GMDS: variants seen among roughly 807,000 people sequenced by gnomAD.
GMDS encodes GDP-mannose 4,6 dehydratase.
Under a neutral mutation model 49.9 loss-of-function variants are expected in GMDS, and 20 were observed. The ratio of observed to expected loss-of-function variants is 0.40; its 90% CI spans 0.28 to 0.58. The LOEUF (loss-of-function observed/expected upper bound fraction) is 0.58, where lower values mean the gene tolerates loss of function less well. Ranked by LOEUF, GMDS falls within the 20% of genes least tolerant of loss-of-function variation. GMDS has a pLI of 0.42. For synonymous variants in GMDS, 177 were observed against 178.6 expected (o/e 0.99, Z 0.07); for missense variants, 362 against 481.4 (o/e 0.75, Z 2.32).
At chr6:2,237,404 T>C (rs1781410653) in intron 1 of GMDS, among the ~76,000 whole-genome samples, 1 of 152,076 alleles carries the variant, frequency 6.6e-6, no homozygotes, top group Admixed American at 6.6e-5. Flanking sequence ...ATTAAGCTTA[T>C]ACAGGAATGG....
At chr6:1,626,870 A>T (rs1762862545) in intron 9 of GMDS, among the ~76,000 whole-genome samples, 1 of 152,264 alleles carries the variant, frequency 6.6e-6, no homozygotes, top group Non-Finnish European at 1.5e-5. Flanking sequence ...AATGTTTTTC[A>T]AAGGCTTAGA....
intron 9 of GMDS, among the ~76,000 whole-genome samples, chr6:1,656,447 G>T (rs1763883091): frequency 6.6e-6 from 1 of 152,104 alleles, no homozygotes; most frequent in African/African-American, 2.4e-5. Context: ...ATGATTGTTG[G>T]AAAACACAAA....
At chr6:1,967,184 C>T (rs906434917) in intron 4 of GMDS, among the ~76,000 whole-genome samples, 1 of 152,166 alleles carries the variant, frequency 6.6e-6, no homozygotes, top group Admixed American at 6.5e-5. Context: ...ATCCACCCGT[C>T]TTTATCCTGC....
intron 8 of GMDS, among the ~76,000 whole-genome samples, chr6:1,738,423 G>T (rs977236180): frequency 2.0e-5 from 3 of 152,224 alleles, no homozygotes; most frequent in Non-Finnish European, 4.4e-5. Flanking sequence ...TTACTCAAGT[G>T]ATGTCAAAGA....
At chr6:2,204,905 A>G (rs1334739403) in intron 1 of GMDS, among the ~76,000 whole-genome samples, 1 of 152,202 alleles carries the variant, frequency 6.6e-6, no homozygotes, top group East Asian at 1.9e-4. Context: ...TATCTCCTAC[A>G]TAATTACCAT....
chr6:1,873,409 A>T (rs1463178468), intron 7 of GMDS, among the ~76,000 whole-genome samples: 1 of 152,154 alleles, frequency 6.6e-6, no homozygotes, highest in East Asian at 1.9e-4. Context: ...GTGCAATGCC[A>T]CAACTAAACT....
chr6:1,870,500 G>C (rs555203192), intron 7 of GMDS, among the ~76,000 whole-genome samples: 1 of 151,854 alleles, frequency 6.6e-6, no homozygotes, highest in South Asian at 2.1e-4. Flanking sequence ...CTGCAAAACA[G>C]TCCGAGCCAC....
chr6:2,242,863 A>G (rs369700926), intron 1 of GMDS, among the ~76,000 whole-genome samples: 4 of 149,288 alleles, frequency 2.7e-5, no homozygotes, highest in African/African-American at 7.3e-5. Context: ...CTCAGCCAAT[A>G]TTATTAAGAA....
chr6:1,943,939 G>A (rs901597792), intron 6 of GMDS, among the ~76,000 whole-genome samples: 9 of 152,250 alleles, frequency 5.9e-5, no homozygotes, highest in Non-Finnish European at 1.0e-4. Context: ...GAAAAACACT[G>A]GAACAATATA....
At chr6:1,858,470 T>G (rs1221362249) in intron 7 of GMDS, among the ~76,000 whole-genome samples, 1 of 152,196 alleles carries the variant, frequency 6.6e-6, no homozygotes, top group South Asian at 2.1e-4. Context: ...TCAATAACAA[T>G]GCTTTGCTTG....
At chr6:1,653,754 A>T (rs1763788914) in intron 9 of GMDS, among the ~76,000 whole-genome samples, 1 of 152,246 alleles carries the variant, frequency 6.6e-6, no homozygotes, top group African/African-American at 2.4e-5. Flanking sequence ...CACATGCGAA[A>T]GAACACAGCT....
chr6:1,891,971 A>C (rs575671933), intron 7 of GMDS, among the ~76,000 whole-genome samples: 1 of 152,332 alleles, frequency 6.6e-6, no homozygotes, highest in South Asian at 2.1e-4. Context: ...CGCCATATAA[A>C]TTGTTAGGAT....
chr6:1,972,501 CT>C (rs1164803174), intron 4 of GMDS, among the ~76,000 whole-genome samples: 3 of 152,110 alleles, frequency 2.0e-5, no homozygotes, highest in South Asian at 2.1e-4. Flanking sequence ...AACAAATCAA[CT>C]TACTTAATGG....
chr6:2,144,423 G>C (rs1016908781), intron 1 of GMDS, among the ~76,000 whole-genome samples: 5 of 152,200 alleles, frequency 3.3e-5, no homozygotes, highest in African/African-American at 1.2e-4. Flanking sequence ...AGTCTTTAAT[G>C]GACTTCCAGG....
chr6:1,944,844 G>A (rs1164964943), intron 6 of GMDS, among the ~76,000 whole-genome samples: 2 of 152,148 alleles, frequency 1.3e-5, no homozygotes, highest in Non-Finnish European at 2.9e-5. Context: ...ATAAAATGAT[G>A]CAATCATGTC....
chr6:1,926,130 A>C (rs1274363344), intron 7 of GMDS, among the ~76,000 whole-genome samples: 1 of 152,140 alleles, frequency 6.6e-6, no homozygotes, highest in Non-Finnish European at 1.5e-5. Context: ...ACTTCCACTC[A>C]ATAAAACCTT....
rs112773463 is a variant in GMDS at position 1,963,562 on chromosome 6, G to C, written c.346-2596C>G. Among the ~76,000 whole-genome samples, 1,241 of 152,248 alleles carry C rather than the reference G, an allele frequency of 8.2e-3. 13 individuals carry two copies. Among genetic ancestry groups the C allele is most frequent in the Non-Finnish European group, 0.012 (827 of 68,032 alleles). ...TATGATCCATTTTGAGTTAAATTTT[G>C]TGTATGGTTAGGGGTCCAACTTCAT... On this transcript the variant is annotated intron_variant, in intron 4 of 10. Transcript: ENST00000380815.
intron 7 of GMDS, among the ~76,000 whole-genome samples, chr6:1,922,878 A>C (rs960596189): frequency 2.0e-5 from 3 of 152,180 alleles, no homozygotes; most frequent in Non-Finnish European, 2.9e-5. Flanking sequence ...CCCCTTTCAA[A>C]TCTCATCTTG....
At chr6:1,659,355 A>G (rs1432433850) in intron 9 of GMDS, among the ~76,000 whole-genome samples, 1 of 151,838 alleles carries the variant, frequency 6.6e-6, no homozygotes, top group Admixed American at 6.6e-5. Context: ...TTTCATCCCA[A>G]TGAGGTCCCA....
Sources: gnomAD v4.1 joint callset for allele counts (sites outside exome capture counted in the v4.1 genomes callset) on GRCh38, gnomAD v4.1.1 for gene constraint, MANE v1.5 for transcripts, NCBI Gene and HGNC (gene_info 2026-07-23, HGNC 2026-07-21) for gene names.